Variants in CYSLTR2 observed in about 807,000 individuals in gnomAD.
CYSLTR2 encodes the protein G-protein coupled receptor GPCR21.
For synonymous variants in CYSLTR2, 179 were observed against 160.8 expected (o/e 1.11, Z -0.86); for missense variants, 398 against 411.9 (o/e 0.97, Z 0.29).
chr13:48,693,897 C>T (rs928976685), intron 3 of CYSLTR2, among the ~76,000 whole-genome samples: 3 of 152,248 alleles, frequency 2.0e-5, no homozygotes, highest in Non-Finnish European at 2.9e-5. Context: ...AGTAAACCAT[C>T]GTGTTTATAT....
intron 4 of CYSLTR2, among the ~76,000 whole-genome samples, chr13:48,697,036 C>T (rs1215775146): frequency 2.6e-5 from 4 of 152,200 alleles, no homozygotes; most frequent in African/African-American, 9.6e-5. Flanking sequence ...TGGAGCCCAC[C>T]ACAGCTCAAG....
rs1344637763 is a variant in CYSLTR2, at chr13:48,709,282, T to C, written c.*1424T>C. 6.0e-6 allele frequency: 1 copy of C among 167,108 alleles called. No individual in the cohort carries two copies. The highest frequency in any genetic ancestry group is 1.5e-5 in the Non-Finnish European group (1 of 68,128). 10.4% of individuals were successfully genotyped at this position (167,108 alleles called of 1,614,324 possible). A position where few individuals can be genotyped will look rare whatever the true frequency, so the allele number is the denominator to read the frequency against. ...AACCAAAAGTTTCTCTTCAGAGTTG[T>C]TGACTCATAGTACAGTAAAGGGTGG... On this transcript the variant is annotated 3_prime_UTR_variant, in exon 5 of 5. Coordinates refer to ENST00000682523, the MANE Select transcript of CYSLTR2 (RefSeq NM_001308476.3).
intron 1 of CYSLTR2, among the ~76,000 whole-genome samples, chr13:48,664,067 G>C (rs1953197784): frequency 6.6e-6 from 1 of 151,972 alleles, no homozygotes. Flanking sequence ...AGATTTTTCT[G>C]CATCTATTGA....
At chr13:48,679,319 C>T (rs1953686540) in intron 1 of CYSLTR2, among the ~76,000 whole-genome samples, 1 of 152,146 alleles carries the variant, frequency 6.6e-6, no homozygotes, top group Admixed American at 6.5e-5. Flanking sequence ...TTTCTGTGGG[C>T]CCTTCTTCCT....
chr13:48,703,654 A>G (rs1320703382), intron 4 of CYSLTR2, among the ~76,000 whole-genome samples: 3 of 152,304 alleles, frequency 2.0e-5, no homozygotes, highest in East Asian at 1.9e-4. Flanking sequence ...TTTTGCACCT[A>G]CATTCACAGG....
At chr13:48,700,383 G>A (rs141371361) in intron 4 of CYSLTR2, among the ~76,000 whole-genome samples, 3,607 of 152,280 alleles carry the variant, frequency 0.024, 67 homozygotes, top group Non-Finnish European at 0.039. Context: ...ATCAATAAAC[G>A]TAATCCATCA....
At chr13:48,692,428 G>T (rs1029394713) in intron 2 of CYSLTR2, among the ~76,000 whole-genome samples, 1 of 151,662 alleles carries the variant, frequency 6.6e-6, no homozygotes. Context: ...CTACAGTACA[G>T]AATTTATTAA....
intron 1 of CYSLTR2, among the ~76,000 whole-genome samples, chr13:48,663,522 C>G (rs922413244): frequency 6.6e-6 from 1 of 151,864 alleles, no homozygotes; most frequent in African/African-American, 2.4e-5. Context: ...TCATCAGTGT[C>G]TTGTAGTTTT....
At chr13:48,686,391 G>A (rs556508830) in intron 1 of CYSLTR2, among the ~76,000 whole-genome samples, 4 of 152,180 alleles carry the variant, frequency 2.6e-5, no homozygotes, top group Non-Finnish European at 4.4e-5. Flanking sequence ...AGTGTCTCAG[G>A]AAAGGGTGTT....
At chr13:48,672,616 CTTTTTT>C (rs71076039) in intron 1 of CYSLTR2, among the ~76,000 whole-genome samples, 4 of 120,132 alleles carry the variant, frequency 3.3e-5, no homozygotes, top group Admixed American at 8.6e-5. Context: ...CTTTTCTTTT[CTTTTTT>C]TTTTTTTTTT....
At chr13:48,690,043 T>C (rs1953998800) in intron 1 of CYSLTR2, among the ~76,000 whole-genome samples, 1 of 152,194 alleles carries the variant, frequency 6.6e-6, no homozygotes, top group South Asian at 2.1e-4. Context: ...CACTCATGAT[T>C]TAGCTCTCTG....
chr13:48,678,658 A>C (rs551008733), intron 1 of CYSLTR2, among the ~76,000 whole-genome samples: 9 of 152,238 alleles, frequency 5.9e-5, no homozygotes, highest in Admixed American at 5.9e-4. Context: ...AATGCCTCAA[A>C]TCCAAAATGC....
intron 1 of CYSLTR2, among the ~76,000 whole-genome samples, chr13:48,665,945 A>G (rs1241211519): frequency 6.6e-6 from 1 of 151,958 alleles, no homozygotes; most frequent in East Asian, 1.9e-4. Flanking sequence ...TCCTGTGGTG[A>G]TAAGGCTTGA....
chr13:48,675,338 C>A (rs1953565049), intron 1 of CYSLTR2, among the ~76,000 whole-genome samples: 1 of 152,180 alleles, frequency 6.6e-6, no homozygotes, highest in Admixed American at 6.5e-5. Context: ...AGATGCCCTG[C>A]CCAGAGATGA....
intron 1 of CYSLTR2, among the ~76,000 whole-genome samples, chr13:48,682,654 T>C (rs1953787215): frequency 6.6e-6 from 1 of 152,160 alleles, no homozygotes. Flanking sequence ...ATCATATCAG[T>C]TCTTAAGAAA....
rs143490136 is a variant in CYSLTR2, at chr13:48,690,428, A to G, written c.-265-784A>G. 1.2e-3 allele frequency among the ~76,000 whole-genome samples: 177 copies of G among 152,120 alleles called. 1 individual carries two copies. Among genetic ancestry groups the G allele is most frequent in the Admixed American group, 2.5e-3 (38 of 15,282 alleles). ...TCTTATTATTTTGAGATTATGTTTC[A>G]TCAATATCTAGTTTATTGAGAGTTT... On this transcript the variant is annotated intron_variant, in intron 1 of 4. Coordinates refer to ENST00000682523, the MANE Select transcript of CYSLTR2 (RefSeq NM_001308476.3).
intron 1 of CYSLTR2, among the ~76,000 whole-genome samples, chr13:48,690,229 T>C (rs1023106123): frequency 6.6e-6 from 1 of 152,180 alleles, no homozygotes; most frequent in African/African-American, 2.4e-5. Context: ...CTCTTCCTAT[T>C]TGGATACCCT....
At chr13:48,697,048 A>G (rs185340649) in intron 4 of CYSLTR2, among the ~76,000 whole-genome samples, 168 of 152,326 alleles carry the variant, frequency 1.1e-3, no homozygotes, top group African/African-American at 3.4e-3. Context: ...CAGCTCAAGG[A>G]GGCCTGTCTG....
intron 1 of CYSLTR2, among the ~76,000 whole-genome samples, chr13:48,656,044 T>C (rs2138790366): frequency 6.6e-6 from 1 of 152,036 alleles, no homozygotes; most frequent in East Asian, 1.9e-4. Context: ...CTCATTTTTG[T>C]TCAAAAATAT....
Sources: allele counts gnomAD v4.1 joint callset (sites outside exome capture counted in the v4.1 genomes callset), GRCh38; gene constraint gnomAD v4.1.1; transcripts MANE v1.5; gene names NCBI Gene and HGNC (gene_info 2026-07-23, HGNC 2026-07-21).